The following EIF4G3 variants were observed in gnomAD, a reference collection of about 807,000 sequenced individuals.
The protein encoded by EIF4G3 is eIF-4-gamma 3.
In EIF4G3, 34 loss-of-function variants were observed where a neutral mutation model predicts 186.4. The ratio of observed to expected loss-of-function variants is 0.18; its 90% CI spans 0.14 to 0.24. The LOEUF is 0.24. Ranked by LOEUF, EIF4G3 falls within the 10% of genes least tolerant of loss-of-function variation. The pLI, the probability that EIF4G3 is intolerant of heterozygous loss-of-function variation, is 1.00. For missense variants in EIF4G3, 1,536 were observed against 1,948.5 expected (o/e 0.79, Z 3.99); for synonymous variants, 673 against 679.5 (o/e 0.99, Z 0.15).
Position 21,117,736 on chromosome 1 carries a change from T to TAAAAAAAAAAAAAAAAAAAAAA in EIF4G3, c.-271-28545_-271-28524dup, listed in dbSNP as rs71014156. On this transcript the variant is annotated intron_variant, in intron 2 of 36. Transcript: ENST00000602326. The stretch of plus-strand genomic sequence containing the variant: ...GGCCTTTCACTGTCCCAGTATATAG[T>TAAAAAAAAAAAAAAAAAAAAAA]AAAAAAAAAAAAAAAAAAAAAAAAA... Among the ~76,000 whole-genome samples, 174 of 73,050 alleles carry TAAAAAAAAAAAAAAAAAAAAAA rather than the reference T, an allele frequency of 2.4e-3. 8 individuals carry two copies. Among genetic ancestry groups the TAAAAAAAAAAAAAAAAAAAAAA allele is most frequent in the East Asian group, 0.013 (23 of 1,744 alleles). The allele number at this position is 73,050 out of a possible 152,430, so 47.9% of individuals were successfully genotyped here.
At chr1:20,895,959 T>TAGG (rs34582942) in intron 16 of EIF4G3, among the ~76,000 whole-genome samples, 94,435 of 151,738 alleles carry the variant, frequency 0.62, 29,799 homozygotes, top group East Asian at 0.95. Flanking sequence ...ACTGTTATAA[T>TAGG]AGATGACAGC....
At chr1:21,108,826 C>T (rs1039961407) in intron 2 of EIF4G3, among the ~76,000 whole-genome samples, 2 of 148,102 alleles carry the variant, frequency 1.4e-5, no homozygotes, top group Admixed American at 6.8e-5. Context: ...TCACTTCAAC[C>T]CGGGAGACAG....
At chr1:20,877,092 T>A (rs2081102043) in intron 20 of EIF4G3, among the ~76,000 whole-genome samples, 1 of 152,238 alleles carries the variant, frequency 6.6e-6, no homozygotes, top group Non-Finnish European at 1.5e-5. Context: ...TATTGCCAGA[T>A]CATTTCAAAG....
chr1:20,941,817 AGAATCT>A lies in EIF4G3; in HGVS notation c.1331_1336del (p.Glu444_Leu446delinsVal). 2 of 1,613,906 alleles carry A rather than the reference AGAATCT, an allele frequency of 1.2e-6. No individual in the cohort carries two copies. The highest frequency in any genetic ancestry group is 1.7e-6 in the Non-Finnish European group (2 of 1,179,924). Reference sequence around the variant, plus strand: ...TTTCATTTCTTCTGGGGGATTTTCGAGAATCTCCAATTCAAGAGTCAATGGCAATAC... The same window carrying A: ...TTTCATTTCTTCTGGGGGATTTTCGACCAATTCAAGAGTCAATGGCAATAC... On this transcript the variant is annotated inframe_deletion, in exon 14 of 37. Transcript: ENST00000602326.
chr1:21,019,110 T>G (rs1217297244), intron 4 of EIF4G3, among the ~76,000 whole-genome samples: 1 of 152,134 alleles, frequency 6.6e-6, no homozygotes, highest in Non-Finnish European at 1.5e-5. Context: ...AGCCTAGAAC[T>G]CCTGGGTTTA....
At chr1:20,901,874 A>T (rs1287431664) in intron 15 of EIF4G3, among the ~76,000 whole-genome samples, 1 of 152,188 alleles carries the variant, frequency 6.6e-6, no homozygotes, top group Non-Finnish European at 1.5e-5. Context: ...CTTTTATAGG[A>T]ATCTGTTAAG....
At chr1:20,921,154 ATCT>A (rs1332035296) in intron 14 of EIF4G3, among the ~76,000 whole-genome samples, 2 of 152,218 alleles carry the variant, frequency 1.3e-5, no homozygotes, top group African/African-American at 2.4e-5. Context: ...AAGAAAAAAA[ATCT>A]TCTAATTTTT....
intron 2 of EIF4G3, among the ~76,000 whole-genome samples, chr1:21,152,942 G>C (rs965785112): frequency 6.6e-6 from 1 of 152,322 alleles, no homozygotes; most frequent in East Asian, 1.9e-4. Flanking sequence ...AGCTGTGACT[G>C]TATCTGTGAA....
intron 14 of EIF4G3, among the ~76,000 whole-genome samples, chr1:20,935,228 G>T (rs1291886748): frequency 6.6e-6 from 1 of 152,132 alleles, no homozygotes; most frequent in Non-Finnish European, 1.5e-5. Context: ...TGAGAAAGCT[G>T]ATTTACCATT....
At chr1:20,893,296 A>AT in intron 18 of EIF4G3, 1 of 398,406 alleles carries the variant, frequency 2.5e-6, no homozygotes, top group East Asian at 4.4e-5. Flanking sequence ...GGAAAAAAAA[A>AT]ATCAAGACCA....
chr1:21,131,397 GAA>G (rs545136357), intron 2 of EIF4G3, among the ~76,000 whole-genome samples: 102 of 104,580 alleles, frequency 9.8e-4, no homozygotes, highest in Middle Eastern at 5.7e-3. Context: ...ATTCACAGAA[GAA>G]AAAAGAGACT....
chr1:20,902,900 C>T (rs888168671), intron 15 of EIF4G3, among the ~76,000 whole-genome samples: 7 of 152,206 alleles, frequency 4.6e-5, no homozygotes, highest in African/African-American at 1.7e-4. Context: ...CTCAGCCTAC[C>T]AAAGTGCTAG....
At chr1:20,944,061 CA>C (rs1483111909) in intron 13 of EIF4G3, among the ~76,000 whole-genome samples, 2 of 144,294 alleles carry the variant, frequency 1.4e-5, no homozygotes. Flanking sequence ...CTAGATGGAA[CA>C]CACCATATAT....
At chr1:20,926,601 A>C (rs920904506) in intron 14 of EIF4G3, among the ~76,000 whole-genome samples, 1 of 151,204 alleles carries the variant, frequency 6.6e-6, no homozygotes, top group Non-Finnish European at 1.5e-5. Context: ...CAGGAGGTCA[A>C]CTCTGCAGTG....
rs554576093 is a variant in EIF4G3 at position 20,850,641 on chromosome 1, T to C, written c.3772+617A>G. ...TGAAAACCTTGTATTTATCACGTAATGTTCTAAGTGTTTACGTGTATTAAC... is the reference window on the plus strand; with the variant it reads ...TGAAAACCTTGTATTTATCACGTAACGTTCTAAGTGTTTACGTGTATTAAC... On this transcript the variant is annotated intron_variant, in intron 28 of 36. Coordinates refer to ENST00000602326, the MANE Select transcript of EIF4G3 (RefSeq NM_001391906.1). Among the ~76,000 whole-genome samples, 7 of 152,356 alleles carry C rather than the reference T, an allele frequency of 4.6e-5. No individual in the cohort carries two copies. The East Asian group carries it at 1.3e-3, about 29-fold the overall frequency.
chr1:20,987,990 C>T (rs2079971255), intron 7 of EIF4G3, among the ~76,000 whole-genome samples: 1 of 152,154 alleles, frequency 6.6e-6, no homozygotes, highest in African/African-American at 2.4e-5. Flanking sequence ...GCAAAACAGC[C>T]TTATTGCTGA....
chr1:21,004,791 T>A (rs2084571659), intron 4 of EIF4G3, among the ~76,000 whole-genome samples: 1 of 152,142 alleles, frequency 6.6e-6, no homozygotes, highest in Admixed American at 6.5e-5. Flanking sequence ...CAAAATTTCT[T>A]TTTCTTTTTT....
intron 6 of EIF4G3, among the ~76,000 whole-genome samples, chr1:21,000,239 A>G (rs779253740): frequency 6.6e-6 from 1 of 152,088 alleles, no homozygotes; most frequent in South Asian, 2.1e-4. Flanking sequence ...TTTCCACAGT[A>G]TGAATTTAAC....
chr1:21,129,707 G>A (rs1421368879), intron 2 of EIF4G3, among the ~76,000 whole-genome samples: 1 of 152,010 alleles, frequency 6.6e-6, no homozygotes, highest in Non-Finnish European at 1.5e-5. Flanking sequence ...TTGCCAGGAT[G>A]AAGAAGTAAC....
Sources: gnomAD v4.1 joint callset for allele counts (sites outside exome capture counted in the v4.1 genomes callset) on GRCh38, gnomAD v4.1.1 for gene constraint, MANE v1.5 for transcripts, NCBI Gene and HGNC (gene_info 2026-07-23, HGNC 2026-07-21) for gene names.